Variants in AKIRIN2 observed in about 807,000 individuals in gnomAD.
AKIRIN2 encodes akirin-2.
In AKIRIN2, 6 loss-of-function variants were observed where a neutral mutation model predicts 29.3. The ratio of observed to expected loss-of-function variants is 0.20; its 90% CI spans 0.11 to 0.40. The LOEUF (loss-of-function observed/expected upper bound fraction) is 0.40, where lower values mean the gene tolerates loss of function less well. Among genes scored for constraint, AKIRIN2 ranks in the 10% least tolerant of loss-of-function variants. AKIRIN2 has a pLI of 1.00. For missense variants in AKIRIN2, 210 were observed against 276.1 expected, an observed-to-expected ratio of 0.76 and a Z score of 1.70; for synonymous variants, 128 against 117.5, an observed-to-expected ratio of 1.09 and a Z score of -0.58.
Position 87,677,836 on chromosome 6 carries a change from A to C in AKIRIN2, c.511T>G (p.Leu171Val). ...EKVREEYEEI[L>V]NTKLAEQYDA... ...CTCATACCTGCAAGTTTTGTGTTCA[A>C]TATTTCTTCATATTCTTCTCGAACT... is the stretch of plus-strand genomic sequence containing the variant. Residue 171 changes from leucine (L) to valine (V), a missense_variant, in exon 3 of 5, where the codon TTG becomes GTG. Coordinates refer to ENST00000257787, the MANE Select transcript of AKIRIN2 (RefSeq NM_018064.4). The C allele has an allele frequency of 6.2e-7, 1 of 1,614,038 alleles. No individual in the cohort carries two copies.
intron 1 of AKIRIN2, among the ~76,000 whole-genome samples, chr6:87,693,221 TC>T (rs1251940495): frequency 6.6e-6 from 1 of 151,614 alleles, no homozygotes; most frequent in East Asian, 2.0e-4. Context: ...AGAGTGAGAC[TC>T]CATCTCAAAA....
At chr6:87,681,788 G>T in intron 1 of AKIRIN2, 25 bp from the exon 2 acceptor site, 1 of 1,533,782 alleles carries the variant, frequency 6.5e-7, no homozygotes. Flanking sequence ...TTAAAATTTG[G>T]CAAGATAAAA....
chr6:87,688,756 T>TA (rs921130128), intron 1 of AKIRIN2, among the ~76,000 whole-genome samples: 27 of 151,162 alleles, frequency 1.8e-4, no homozygotes, highest in East Asian at 7.8e-4. Context: ...TCCGTCTCAA[T>TA]AAAAAAAACA....
chr6:87,685,353 G>C (rs1028783226), intron 1 of AKIRIN2, among the ~76,000 whole-genome samples: 2 of 152,134 alleles, frequency 1.3e-5, no homozygotes, highest in African/African-American at 4.8e-5. Flanking sequence ...TGCTAAGCTC[G>C]ATCTAGATAC....
At chr6:87,695,267 A>T (rs1255535639) in intron 1 of AKIRIN2, among the ~76,000 whole-genome samples, 1 of 152,224 alleles carries the variant, frequency 6.6e-6, no homozygotes, top group Non-Finnish European at 1.5e-5. Context: ...TCTTAAACTA[A>T]TTGCAGTATT....
intron 1 of AKIRIN2, among the ~76,000 whole-genome samples, chr6:87,700,354 G>A (rs1380936575): frequency 6.6e-6 from 1 of 151,498 alleles, no homozygotes; most frequent in African/African-American, 2.4e-5. Context: ...TACTGATAAC[G>A]AGACATTTAA....
At chr6:87,694,267 G>C (rs942521118) in intron 1 of AKIRIN2, among the ~76,000 whole-genome samples, 3 of 151,728 alleles carry the variant, frequency 2.0e-5, no homozygotes, top group Admixed American at 6.6e-5. Flanking sequence ...AACACTTTAA[G>C]GAAAAAAACT....
chr6:87,683,843 G>C (rs1415338048), intron 1 of AKIRIN2, among the ~76,000 whole-genome samples: 1 of 152,062 alleles, frequency 6.6e-6, no homozygotes, highest in Non-Finnish European at 1.5e-5. Context: ...GTAGAGACAG[G>C]GTTTCACCAC....
At chr6:87,701,329 C>T in intron 1 of AKIRIN2, 121 bp downstream of exon 1, 2 of 1,079,994 alleles carry the variant, frequency 1.9e-6, no homozygotes, top group Non-Finnish European at 2.5e-6. Flanking sequence ...TGCCCTACTA[C>T]TTTGCTAAGA....
intron 1 of AKIRIN2, among the ~76,000 whole-genome samples, chr6:87,695,113 T>C (rs964488032): frequency 3.3e-5 from 5 of 152,216 alleles, no homozygotes; most frequent in African/African-American, 1.2e-4. Flanking sequence ...TTTCTTCCAA[T>C]GAGCAAATAC....
intron 3 of AKIRIN2, among the ~76,000 whole-genome samples, chr6:87,677,197 A>G (rs111611187): frequency 0.016 from 2,502 of 152,320 alleles, 73 homozygotes; most frequent in African/African-American, 0.055. Flanking sequence ...TAGGATAACA[A>G]AAGCTAACAA....
At chr6:87,676,012 T>A in intron 3 of AKIRIN2, 81 bp from the exon 4 acceptor site, 1 of 1,178,056 alleles carries the variant, frequency 8.5e-7, no homozygotes, top group Non-Finnish European at 1.2e-6. Context: ...AAATATACAG[T>A]AAAACAATTC....
At chr6:87,684,049 T>C (rs1254535797) in intron 1 of AKIRIN2, among the ~76,000 whole-genome samples, 1 of 152,202 alleles carries the variant, frequency 6.6e-6, no homozygotes, top group Non-Finnish European at 1.5e-5. Context: ...CAAAACATCA[T>C]AAAATTTATT....
Position 87,701,791 on chromosome 6 carries a change from G to T in AKIRIN2, c.-107C>A. ...GCGGGAACTCGAGGAGAGCCTACCCGACGGGCTCAGGAGCCAAGCGGGTCG... is the reference window on the plus strand; with the variant it reads ...GCGGGAACTCGAGGAGAGCCTACCCTACGGGCTCAGGAGCCAAGCGGGTCG... On this transcript the variant is annotated 5_prime_UTR_variant, in exon 1 of 5. Coordinates refer to ENST00000257787, the MANE Select transcript of AKIRIN2 (RefSeq NM_018064.4). The T allele has an allele frequency of 1.2e-6, 1 of 805,782 alleles. No individual in the cohort carries two copies. The highest frequency in any genetic ancestry group is 1.8e-6 in the Non-Finnish European group (1 of 568,626). 49.9% of individuals were successfully genotyped at this position (805,782 alleles called of 1,614,324 possible).
At chr6:87,686,611 G>A (rs968336787) in intron 1 of AKIRIN2, among the ~76,000 whole-genome samples, 11 of 151,290 alleles carry the variant, frequency 7.3e-5, no homozygotes, top group South Asian at 2.1e-4. Flanking sequence ...TTACGGTTTC[G>A]CGAACAGTTT....
At chr6:87,679,761 A>G (rs1211649760) in intron 2 of AKIRIN2, among the ~76,000 whole-genome samples, 1 of 152,246 alleles carries the variant, frequency 6.6e-6, no homozygotes, top group African/African-American at 2.4e-5. Flanking sequence ...CAGCATTTTT[A>G]TACCTATTAG....
At chr6:87,676,596 A>AACACACACACACACACAC (rs112353955) in intron 3 of AKIRIN2, among the ~76,000 whole-genome samples, 1,595 of 142,070 alleles carry the variant, frequency 0.011, 26 homozygotes, top group East Asian at 0.02. Flanking sequence ...CTCTACTAAA[A>AACACACACACACACACAC]ACACACACAC....
intron 1 of AKIRIN2, among the ~76,000 whole-genome samples, chr6:87,696,014 AC>A (rs1217791778): frequency 6.6e-6 from 1 of 151,990 alleles, no homozygotes; most frequent in Admixed American, 6.6e-5. Context: ...CCCCATCTCT[AC>A]AAAAAAATAC....
Position 87,701,894 on chromosome 6 carries a change from G to T in AKIRIN2, c.-210C>A, listed in dbSNP as rs1771474605. Reference sequence around the variant, plus strand: ...GGGGCAGTGGCCAGGGACGGCCCGGGTGAGAGCGGGAGGGGCGGTGGCGGG... The same window carrying T: ...GGGGCAGTGGCCAGGGACGGCCCGGTTGAGAGCGGGAGGGGCGGTGGCGGG... On this transcript the variant is annotated 5_prime_UTR_variant, in exon 1 of 5. Coordinates refer to ENST00000257787, the MANE Select transcript of AKIRIN2 (RefSeq NM_018064.4). The T allele has an allele frequency of 7.1e-6, 3 of 419,618 alleles. No individual in the cohort carries two copies. The highest frequency in any genetic ancestry group is 1.3e-5 in the Non-Finnish European group (3 of 238,126). The allele number at this position is 419,618 out of a possible 1,614,324, so 26.0% of individuals were successfully genotyped here. A position where few individuals can be genotyped will look rare whatever the true frequency, so the allele number is the denominator to read the frequency against.
Sources: gnomAD v4.1 joint callset for allele counts (sites outside exome capture counted in the v4.1 genomes callset) on GRCh38, gnomAD v4.1.1 for gene constraint, MANE v1.5 for transcripts, NCBI Gene and HGNC (gene_info 2026-07-23, HGNC 2026-07-21) for gene names.